The following CNTN6 variants were observed in gnomAD, a reference collection of about 807,000 sequenced individuals.
The protein encoded by CNTN6 is contactin-6.
Under a neutral mutation model 122.8 loss-of-function variants are expected in CNTN6, and 137 were observed. The observed-to-expected ratio is 1.12, with a 90% CI of 0.97 to 1.29. The LOEUF (loss-of-function observed/expected upper bound fraction) is 1.29. CNTN6 is among the 50% of genes most tolerant of loss of function. The pLI is 0.00. For synonymous variants in CNTN6, 570 were observed against 426.0 expected (o/e 1.34, Z -4.16); for missense variants, 1,634 against 1,223.4 (o/e 1.34, Z -5.01).
intron 7 of CNTN6, among the ~76,000 whole-genome samples, chr3:1,301,172 A>C (rs1575611586): frequency 6.6e-6 from 1 of 151,456 alleles, no homozygotes; most frequent in Admixed American, 6.6e-5. Flanking sequence ...GAGTAGCTGG[A>C]ATTACAGGCA....
chr3:1,163,854 T>TA (rs1360889292), intron 2 of CNTN6, among the ~76,000 whole-genome samples: 1 of 152,176 alleles, frequency 6.6e-6, no homozygotes, highest in East Asian at 1.9e-4. Context: ...CGTAAGAACA[T>TA]AAACACTTAG....
At chr3:1,096,965 A>T (rs1220097795) in intron 1 of CNTN6, among the ~76,000 whole-genome samples, 1 of 152,202 alleles carries the variant, frequency 6.6e-6, no homozygotes, top group African/African-American at 2.4e-5. Flanking sequence ...GACATTTAAA[A>T]ATCTCTTTAT....
intron 1 of CNTN6, among the ~76,000 whole-genome samples, chr3:1,129,008 G>T (rs2125091457): frequency 6.6e-6 from 1 of 151,726 alleles, no homozygotes; most frequent in South Asian, 2.1e-4. Context: ...TTTCTTTTTA[G>T]TGTTTATGTA....
chr3:1,175,879 T>C lies in CNTN6; in HGVS notation c.55+27816T>C, dbSNP rs187917938. Reference sequence around the variant, plus strand: ...GTGAGACTTGGTATTGCATTTTATATAGATACAATGGAGAAGAAGGAATTT... The same window carrying C: ...GTGAGACTTGGTATTGCATTTTATACAGATACAATGGAGAAGAAGGAATTT... On this transcript the variant is annotated intron_variant, in intron 2 of 22. Transcript: ENST00000446702. Among the ~76,000 whole-genome samples the C allele has an allele frequency of 2.3e-3, 353 of 152,284 alleles. 3 individuals are homozygous for C. The highest frequency in any genetic ancestry group is 3.4e-3 in the Middle Eastern group (1 of 292).
chr3:1,270,601 C>A (rs1417544649), intron 4 of CNTN6, among the ~76,000 whole-genome samples: 1 of 152,162 alleles, frequency 6.6e-6, no homozygotes, highest in Non-Finnish European at 1.5e-5. Context: ...AACAAGTGCT[C>A]CAACATCTTG....
At chr3:1,205,135 A>AACGT (rs2093940854) in intron 2 of CNTN6, among the ~76,000 whole-genome samples, 2 of 152,158 alleles carry the variant, frequency 1.3e-5, no homozygotes, top group Admixed American at 6.6e-5. Flanking sequence ...TTAAAGATAG[A>AACGT]GAAAGGTGTC....
Position 1,264,364 on chromosome 3 carries a change from A to G in CNTN6, c.359-14049A>G, listed in dbSNP as rs1011549396. On this transcript the variant is annotated intron_variant, in intron 4 of 22. Transcript: ENST00000446702. The stretch of plus-strand genomic sequence containing the variant: ...AACTCTACATTTAAATTACTGTTAT[A>G]GCAAATTATAATGCAATGCAAGCAG... 3.9e-5 allele frequency among the ~76,000 whole-genome samples: 6 copies of G among 152,290 alleles called. No individual in the cohort carries two copies. The East Asian group carries it at 9.7e-4, about 24-fold the overall frequency.
At chr3:1,176,868 A>C (rs906141571) in intron 2 of CNTN6, among the ~76,000 whole-genome samples, 2 of 152,114 alleles carry the variant, frequency 1.3e-5, no homozygotes, top group Non-Finnish European at 2.9e-5. Context: ...TCTAAATATC[A>C]CTCCACAGAT....
At chr3:1,137,671 C>T (rs1044650494) in intron 1 of CNTN6, among the ~76,000 whole-genome samples, 30 of 152,160 alleles carry the variant, frequency 2.0e-4, no homozygotes, top group Non-Finnish European at 4.4e-4. Flanking sequence ...ACTGAATTCT[C>T]TTATGAACCT....
chr3:1,252,292 G>A (rs569465513), intron 4 of CNTN6, among the ~76,000 whole-genome samples: 1 of 152,276 alleles, frequency 6.6e-6, no homozygotes, highest in African/African-American at 2.4e-5. Context: ...GACAAGAATA[G>A]AAGCACATTT....
intron 20 of CNTN6, among the ~76,000 whole-genome samples, chr3:1,396,997 C>T (rs987972675): frequency 6.6e-6 from 1 of 152,152 alleles, no homozygotes; most frequent in Non-Finnish European, 1.5e-5. Context: ...CTCACATTTA[C>T]CAAAATCTCT....
At chr3:1,396,269 G>A (rs937529226) in intron 20 of CNTN6, among the ~76,000 whole-genome samples, 5 of 152,114 alleles carry the variant, frequency 3.3e-5, no homozygotes, top group Non-Finnish European at 7.3e-5. Context: ...CTCTCAGCTT[G>A]TAGTACCCCT....
intron 12 of CNTN6, among the ~76,000 whole-genome samples, chr3:1,361,381 G>A (rs1017130001): frequency 1.3e-5 from 2 of 152,084 alleles, no homozygotes; most frequent in African/African-American, 4.8e-5. Flanking sequence ...TCTTCTAATG[G>A]TTCTTCAGTT....
In CNTN6 at chr3:1,099,416, A is replaced by C. The variant is rs188812309; in HGVS notation, c.-83+6296A>C. On this transcript the variant is annotated intron_variant, in intron 1 of 22. Transcript: ENST00000446702. ...CAGTGAGCCGAGATTGAGCCATTAC[A>C]CTCCAGCCTGGGTGACAGAGCCAGA... Among the ~76,000 whole-genome samples the C allele has an allele frequency of 1.6e-3, 246 of 152,198 alleles. 1 individual carries two copies. The highest frequency in any genetic ancestry group is 1.6e-3 in the Non-Finnish European group (111 of 68,004).
At chr3:1,276,621 A>T (rs922591765) in intron 4 of CNTN6, among the ~76,000 whole-genome samples, 10 of 152,166 alleles carry the variant, frequency 6.6e-5, no homozygotes, top group African/African-American at 2.4e-4. Flanking sequence ...CCAGAAATTT[A>T]GTACGGTTTT....
intron 8 of CNTN6, among the ~76,000 whole-genome samples, chr3:1,322,518 ATAAACT>A (rs537520848): frequency 9.2e-5 from 14 of 151,766 alleles, no homozygotes; most frequent in South Asian, 2.1e-4. Flanking sequence ...AACTTCTTTG[ATAAACT>A]TAATGTATCT....
In CNTN6 at chr3:1,172,784, C is replaced by T. The variant is rs573031733; in HGVS notation, c.55+24721C>T. ...ATTTCTGATAAGCAACTCATATACACGAGAGCAAAGGCAAGGTTCTATCTA... is the reference window on the plus strand; with the variant it reads ...ATTTCTGATAAGCAACTCATATACATGAGAGCAAAGGCAAGGTTCTATCTA... On this transcript the variant is annotated intron_variant, in intron 2 of 22. Coordinates refer to ENST00000446702, the MANE Select transcript of CNTN6 (RefSeq NM_001289080.2). Among the ~76,000 whole-genome samples, 24 of 152,242 alleles carry T rather than the reference C, an allele frequency of 1.6e-4. No homozygotes were observed. The East Asian group carries it at 2.3e-3, about 15-fold the overall frequency.
intron 2 of CNTN6, among the ~76,000 whole-genome samples, chr3:1,150,670 T>G (rs990866287): frequency 6.6e-6 from 1 of 152,206 alleles, no homozygotes; most frequent in African/African-American, 2.4e-5. Context: ...ATTATATACT[T>G]TTTAACTGTT....
chr3:1,389,167 G>C (rs1693689530), intron 20 of CNTN6, among the ~76,000 whole-genome samples: 1 of 149,394 alleles, frequency 6.7e-6, no homozygotes, highest in Admixed American at 6.7e-5. Context: ...CAGAGAGAAA[G>C]GTCGGGTTAC....
Sources: gnomAD v4.1 joint callset for allele counts (sites outside exome capture counted in the v4.1 genomes callset) on GRCh38, gnomAD v4.1.1 for gene constraint, MANE v1.5 for transcripts, NCBI Gene and HGNC (gene_info 2026-07-23, HGNC 2026-07-21) for gene names.